Variants in KAT2B observed in about 807,000 individuals in gnomAD.
KAT2B encodes the protein histone acetyltransferase KAT2B.
Under a neutral mutation model 105.9 loss-of-function variants are expected in KAT2B, and 36 were observed. The observed-to-expected ratio is 0.34, with a 90% CI of 0.26 to 0.45. The LOEUF is 0.45. Among genes scored for constraint, KAT2B ranks in the 20% least tolerant of loss-of-function variants. The pLI is 1.00. For synonymous variants in KAT2B, 397 were observed against 377.9 expected (o/e 1.05, Z -0.59); for missense variants, 820 against 1,021.6 (o/e 0.80, Z 2.69).
At chr3:20,064,167 A>G (rs115260750) in intron 1 of KAT2B, among the ~76,000 whole-genome samples, 6,550 of 152,210 alleles carry the variant, frequency 0.043, 194 homozygotes, top group South Asian at 0.076. Flanking sequence ...CATGCCTGAT[A>G]ATTTGTTATT....
At chr3:20,143,450 C>T (rs927166199) in intron 13 of KAT2B, among the ~76,000 whole-genome samples, 1 of 152,058 alleles carries the variant, frequency 6.6e-6, no homozygotes, top group African/African-American at 2.4e-5. Flanking sequence ...CAAATTAGTT[C>T]AGCCCCTGTG....
At chr3:20,050,199 C>G (rs1439620983) in intron 1 of KAT2B, among the ~76,000 whole-genome samples, 1 of 104,080 alleles carries the variant, frequency 9.6e-6, no homozygotes, top group Admixed American at 1.1e-4. Context: ...GACCCTGTCT[C>G]AAAAAAAAAA....
rs1699912707 is a variant in KAT2B, at chr3:20,154,213, CTATATTGAAAGCA to C, written c.*1690_*1702del. 1 of 152,440 alleles carries C rather than the reference CTATATTGAAAGCA, an allele frequency of 6.6e-6. No homozygotes were observed. The highest frequency in any genetic ancestry group is 1.5e-5 in the Non-Finnish European group (1 of 67,980). The allele number at this position is 152,440 out of a possible 1,614,324, so 9.4% of individuals were successfully genotyped here. ...TGTCTTTAAAATCAGATTGTCTCTTCTATATTGAAAGCATTTTTATGTTTTCTAATTTAAAAAT... is the reference window on the plus strand; with the variant it reads ...TGTCTTTAAAATCAGATTGTCTCTTCTTTTTATGTTTTCTAATTTAAAAAT... On this transcript the variant is annotated 3_prime_UTR_variant, in exon 18 of 18. Transcript: ENST00000263754.
chr3:20,050,115 G>T (rs1225913200), intron 1 of KAT2B, among the ~76,000 whole-genome samples: 1 of 151,532 alleles, frequency 6.6e-6, no homozygotes, highest in East Asian at 1.9e-4. Flanking sequence ...TGGGACGACT[G>T]CTTGAGCCCA....
intron 5 of KAT2B, among the ~76,000 whole-genome samples, chr3:20,102,086 G>A (rs1244232770): frequency 2.0e-5 from 3 of 152,184 alleles, no homozygotes; most frequent in Non-Finnish European, 4.4e-5. Context: ...GGAGTCTAAA[G>A]TGGGTAGATC....
At chr3:20,067,913 G>A (rs934649246) in intron 1 of KAT2B, among the ~76,000 whole-genome samples, 9 of 151,970 alleles carry the variant, frequency 5.9e-5, no homozygotes, top group African/African-American at 1.9e-4. Context: ...GACCTCAGGT[G>A]ATCTGCCTGC....
intron 7 of KAT2B, among the ~76,000 whole-genome samples, chr3:20,117,152 A>T (rs1699220679): frequency 6.6e-6 from 1 of 152,198 alleles, no homozygotes; most frequent in Non-Finnish European, 1.5e-5. Context: ...ACTTCCAGCC[A>T]CATTGTTATC....
At chr3:20,122,275 TC>T (rs1474129549) in intron 8 of KAT2B, among the ~76,000 whole-genome samples, 1 of 152,158 alleles carries the variant, frequency 6.6e-6, no homozygotes, top group African/African-American at 2.4e-5. Context: ...TTATTTTAGG[TC>T]ATAAGGTAAA....
chr3:20,062,565 G>A (rs893378814), intron 1 of KAT2B, among the ~76,000 whole-genome samples: 1 of 149,772 alleles, frequency 6.7e-6, no homozygotes, highest in Admixed American at 6.8e-5. Context: ...GGGTTCAAGC[G>A]ATTCTCTTGC....
intron 5 of KAT2B, among the ~76,000 whole-genome samples, chr3:20,106,162 C>T (rs1698998260): frequency 6.6e-6 from 1 of 152,166 alleles, no homozygotes; most frequent in Non-Finnish European, 1.5e-5. Flanking sequence ...TTTCTGTTCA[C>T]AGAAGTTACA....
intron 17 of KAT2B, among the ~76,000 whole-genome samples, chr3:20,151,813 A>G (rs1452513348): frequency 6.6e-6 from 1 of 152,170 alleles, no homozygotes. Flanking sequence ...CATTTGAATC[A>G]TTTTACATGC....
At chr3:20,127,950 C>T (rs772091773) in intron 11 of KAT2B, among the ~76,000 whole-genome samples, 3 of 152,180 alleles carry the variant, frequency 2.0e-5, no homozygotes, top group Non-Finnish European at 4.4e-5. Context: ...TGCTCACTTG[C>T]CTGCCACTCA....
At chr3:20,097,854 A>G (rs890527022) in intron 3 of KAT2B, among the ~76,000 whole-genome samples, 8 of 152,182 alleles carry the variant, frequency 5.3e-5, no homozygotes, top group Non-Finnish European at 7.3e-5. Flanking sequence ...TTTAAAAAGA[A>G]AAAAAGAGAA....
At chr3:20,041,133 G>A (rs921069199) in intron 1 of KAT2B, among the ~76,000 whole-genome samples, 1 of 152,226 alleles carries the variant, frequency 6.6e-6, no homozygotes, top group Non-Finnish European at 1.5e-5. Flanking sequence ...TCCATGTGGC[G>A]GGTGACCCAG....
At chr3:20,096,302 A>C (rs1038694715) in intron 3 of KAT2B, among the ~76,000 whole-genome samples, 1 of 152,134 alleles carries the variant, frequency 6.6e-6, no homozygotes, top group Non-Finnish European at 1.5e-5. Context: ...CCTCAGCTCC[A>C]TGTGGGTCAC....
rs201795949 is a variant in KAT2B at position 20,101,323 on chromosome 3, C to G, written c.706C>G (p.Leu236Val). 1 of 1,613,982 alleles carries G rather than the reference C, an allele frequency of 6.2e-7. No individual in the cohort carries two copies. Among genetic ancestry groups the G allele is most frequent in the East Asian group, 2.2e-5 (1 of 44,860 alleles). Residue 236 changes from leucine (L) to valine (V), a missense_variant, in exon 5 of 18, where the codon CTG (leucine) becomes GTG (valine). By Grantham distance (32) the Leu-to-Val change is conservative. Transcript: ENST00000263754. Reference sequence around the variant, plus strand: ...CTTTGTGCAGTACAAATTTAGTCACCTGCCAGCAAAAGAAAGGCAAACAAT... The same window carrying G: ...CTTTGTGCAGTACAAATTTAGTCACGTGCCAGCAAAAGAAAGGCAAACAAT... ...NNFVQYKFSH[L>V]PAKERQTIVE...
intron 1 of KAT2B, among the ~76,000 whole-genome samples, chr3:20,044,919 T>A (rs1006250906): frequency 2.6e-5 from 4 of 152,228 alleles, no homozygotes; most frequent in African/African-American, 9.6e-5. Flanking sequence ...TTAGCAGTTG[T>A]GGAATTTTAA....
intron 8 of KAT2B, among the ~76,000 whole-genome samples, chr3:20,122,244 C>T (rs79991131): frequency 0.11 from 17,199 of 152,112 alleles, 1,238 homozygotes; most frequent in South Asian, 0.35. Context: ...GAAGACACTG[C>T]ACATTTACAA....
chr3:20,145,177 A>G (rs1699763761), intron 13 of KAT2B, among the ~76,000 whole-genome samples: 3 of 152,230 alleles, frequency 2.0e-5, no homozygotes, highest in African/African-American at 7.2e-5. Flanking sequence ...TGTTACAATG[A>G]CATTTTAGAT....
Sources: allele counts gnomAD v4.1 joint callset (sites outside exome capture counted in the v4.1 genomes callset), GRCh38; gene constraint gnomAD v4.1.1; transcripts MANE v1.5; gene names NCBI Gene and HGNC (gene_info 2026-07-23, HGNC 2026-07-21).